LYN: variants seen among roughly 807,000 people sequenced by gnomAD.
LYN encodes the protein LYN proto-oncogene, Src family tyrosine kinase.
Under a neutral mutation model 65.0 loss-of-function variants are expected in LYN, and 12 were observed. The observed-to-expected ratio is 0.18, with a 90% CI of 0.12 to 0.30. The LOEUF is 0.30. Ranked by LOEUF, LYN falls within the 10% of genes least tolerant of loss-of-function variation. The pLI is 1.00. For synonymous variants in LYN, 222 were observed against 221.2 expected, an observed-to-expected ratio of 1.00 and a Z score of -0.03; for missense variants, 380 against 623.2, an observed-to-expected ratio of 0.61 and a Z score of 4.16.
At chr8:55,911,659 C>G (rs1805641626) in intron 1 of LYN, among the ~76,000 whole-genome samples, 1 of 112,800 alleles carries the variant, frequency 8.9e-6, no homozygotes, top group Non-Finnish European at 1.9e-5. Context: ...ATCTGGTAAC[C>G]CTGGGGGCAG....
chr8:56,008,139 T>G (rs1057225500), intron 12 of LYN, among the ~76,000 whole-genome samples: 1 of 145,220 alleles, frequency 6.9e-6, no homozygotes, highest in African/African-American at 2.5e-5. Flanking sequence ...TAAAATAAAA[T>G]AAAATAAAAT....
intron 12 of LYN, among the ~76,000 whole-genome samples, chr8:56,008,208 A>G (rs1808726679): frequency 6.6e-6 from 1 of 152,236 alleles, no homozygotes; most frequent in Non-Finnish European, 1.5e-5. Flanking sequence ...TTGATCCCAA[A>G]TGCGGATAGT....
chr8:55,942,102 G>A (rs982137412), intron 2 of LYN, 111 bp downstream of exon 2: 1 of 1,097,456 alleles, frequency 9.1e-7, no homozygotes, highest in African/African-American at 1.6e-5. Context: ...TTGATTACTT[G>A]GTCCTCAAAT....
At chr8:55,984,793 A>T (rs147600256) in intron 10 of LYN, among the ~76,000 whole-genome samples, 2 of 152,364 alleles carry the variant, frequency 1.3e-5, no homozygotes, top group African/African-American at 4.8e-5. Context: ...TGCAGGGGGA[A>T]GCCCCCATAA....
At chr8:55,909,589 T>C (rs1805539863) in intron 1 of LYN, among the ~76,000 whole-genome samples, 1 of 152,240 alleles carries the variant, frequency 6.6e-6, no homozygotes, top group Non-Finnish European at 1.5e-5. Flanking sequence ...TTTAATGTAA[T>C]GATATCTTTT....
At chr8:55,984,333 C>T (rs1389353391) in intron 10 of LYN, among the ~76,000 whole-genome samples, 1 of 152,226 alleles carries the variant, frequency 6.6e-6, no homozygotes, top group African/African-American at 2.4e-5. Flanking sequence ...TGAGCCCCTG[C>T]TGGCTCAGCA....
chr8:55,987,230 T>A (rs752320083), intron 10 of LYN, among the ~76,000 whole-genome samples: 3 of 151,744 alleles, frequency 2.0e-5, no homozygotes, highest in Non-Finnish European at 2.9e-5. Context: ...CTGGGGAACA[T>A]GATGAAACAC....
intron 1 of LYN, among the ~76,000 whole-genome samples, chr8:55,896,674 G>A (rs918556577): frequency 2.6e-5 from 4 of 152,024 alleles, no homozygotes; most frequent in African/African-American, 9.7e-5. Context: ...TTAAAAAAAA[G>A]AAACATAGAA....
In LYN at chr8:55,880,012, C is replaced by G. The variant is rs1343988065; in HGVS notation, c.-97C>G. ...GTTCCCGGCCAGCAGCCTCCCCATA[C>G]GCAGGTCCTGCTGGGCCGCCCCGTC... On this transcript the variant is annotated 5_prime_UTR_variant, in exon 1 of 13. Coordinates refer to ENST00000519728, the MANE Select transcript of LYN (RefSeq NM_002350.4). 3 of 298,828 alleles carry G rather than the reference C, an allele frequency of 1.0e-5. No individual in the cohort carries two copies. Among genetic ancestry groups the G allele is most frequent in the Non-Finnish European group, 2.1e-5 (3 of 145,226 alleles). The allele number at this position is 298,828 out of a possible 1,614,324, so 18.5% of individuals were successfully genotyped here. A position where few individuals can be genotyped will look rare whatever the true frequency, so the allele number is the denominator to read the frequency against.
At chr8:55,916,488 T>C (rs1805783319) in intron 1 of LYN, among the ~76,000 whole-genome samples, 2 of 152,202 alleles carry the variant, frequency 1.3e-5, no homozygotes, top group Non-Finnish European at 1.5e-5. Context: ...GCGAATATGG[T>C]TCACAAAAGC....
intron 10 of LYN, among the ~76,000 whole-genome samples, chr8:55,985,171 CTG>C (rs1256046407): frequency 6.6e-6 from 1 of 152,074 alleles, no homozygotes; most frequent in African/African-American, 2.4e-5. Context: ...TGGGGAGGAA[CTG>C]TACTTCTCTC....
rs557878354 is a variant in LYN at position 55,893,450 on chromosome 8, T to C, written c.-6+13347T>C. ...TGAATTCAGTGATGCTGTTCTTCAA[T>C]AAAATAAAGACTCATTTTTCTGATG... On this transcript the variant is annotated intron_variant, in intron 1 of 12. Coordinates refer to ENST00000519728, the MANE Select transcript of LYN (RefSeq NM_002350.4). 5.9e-5 allele frequency: 9 copies of C among 152,366 alleles called. No individual in the cohort carries two copies. In the East Asian group the frequency reaches 1.7e-3, roughly 29 times the overall value. The allele number at this position is 152,366 out of a possible 1,614,324, so 9.4% of individuals were successfully genotyped here. A position where few individuals can be genotyped will look rare whatever the true frequency, so the allele number is the denominator to read the frequency against.
rs575125935 is a variant in LYN, at chr8:56,013,063, G to C, written c.*2953G>C. 5.9e-5 allele frequency: 9 copies of C among 152,354 alleles called. No homozygotes were observed. In the East Asian group the frequency reaches 1.4e-3, roughly 23 times the overall value. The allele number at this position is 152,354 out of a possible 1,614,324, so 9.4% of individuals were successfully genotyped here. On this transcript the variant is annotated 3_prime_UTR_variant, in exon 13 of 13. Transcript: ENST00000519728. ...GTACTTCTGATGAGCCACTGGGAAC[G>C]TGTACTGTCCAAGCCCCCTTCTAGG...
chr8:55,988,619 A>G (rs61007770), intron 10 of LYN, among the ~76,000 whole-genome samples: 1,536 of 152,268 alleles, frequency 0.01, 30 homozygotes, highest in African/African-American at 0.035. Flanking sequence ...GCACCAGGAA[A>G]ATCAGATCTT....
At chr8:55,903,374 G>A (rs1275878470) in intron 1 of LYN, among the ~76,000 whole-genome samples, 1 of 152,230 alleles carries the variant, frequency 6.6e-6, no homozygotes, top group Non-Finnish European at 1.5e-5. Flanking sequence ...CAAAAGAACA[G>A]AGAGATTCCA....
chr8:55,924,212 C>G (rs1806028017), intron 1 of LYN, among the ~76,000 whole-genome samples: 2 of 152,054 alleles, frequency 1.3e-5, no homozygotes, highest in African/African-American at 4.8e-5. Context: ...CATTGTGTTT[C>G]CCTTGAAAAT....
At chr8:55,973,500 C>T (rs1807665628) in intron 10 of LYN, among the ~76,000 whole-genome samples, 1 of 152,174 alleles carries the variant, frequency 6.6e-6, no homozygotes, top group African/African-American at 2.4e-5. Context: ...GCATAATTCC[C>T]TTGGCTTTTA....
intron 10 of LYN, among the ~76,000 whole-genome samples, chr8:55,986,914 A>G (rs1808087650): frequency 6.6e-6 from 1 of 152,114 alleles, no homozygotes; most frequent in African/African-American, 2.4e-5. Context: ...TTGTAGAGAT[A>G]GGGTCTTGTT....
chr8:55,982,199 T>C (rs150086163), intron 10 of LYN, among the ~76,000 whole-genome samples: 5 of 152,328 alleles, frequency 3.3e-5, no homozygotes, highest in African/African-American at 9.6e-5. Flanking sequence ...CAATGTTATA[T>C]GTTACAGAGC....
Sources: gnomAD v4.1 joint callset for allele counts (sites outside exome capture counted in the v4.1 genomes callset) on GRCh38, gnomAD v4.1.1 for gene constraint, MANE v1.5 for transcripts, NCBI Gene and HGNC (gene_info 2026-07-23, HGNC 2026-07-21) for gene names.